CYP19A1: variants seen among roughly 807,000 people sequenced by gnomAD.
CYP19A1 encodes cytochrome P450 family 19 subfamily A member 1, also known as aromatase.
Under a neutral mutation model 44.4 loss-of-function variants are expected in CYP19A1, and 32 were observed. That is an observed-to-expected ratio of 0.72 (90% CI 0.54 to 0.97). CYP19A1 has a LOEUF of 0.97. Among genes scored for constraint, CYP19A1 ranks in the 50% least tolerant of loss-of-function variants. The pLI is 0.00. For synonymous variants in CYP19A1, 212 were observed against 215.6 expected (o/e 0.98, Z 0.14); for missense variants, 598 against 637.8 (o/e 0.94, Z 0.67).
intron 1 of CYP19A1, among the ~76,000 whole-genome samples, chr15:51,280,465 T>A (rs1325344461): frequency 6.6e-6 from 1 of 152,184 alleles, no homozygotes; most frequent in African/African-American, 2.4e-5. Context: ...GGTTTGGCTC[T>A]TTCTGCCTTG....
chr15:51,331,988 T>C (rs11070842), intron 1 of CYP19A1, among the ~76,000 whole-genome samples: 28,996 of 151,882 alleles, frequency 0.19, 2,949 homozygotes, highest in East Asian at 0.28. Context: ...CATATAACTG[T>C]CTGCTTTTTA....
At position 51,313,639 on chromosome 15, in the gene CYP19A1, A is replaced by C. The variant is rs28757097; in HGVS notation, c.-39+24856T>G. Among the ~76,000 whole-genome samples, 186 of 152,234 alleles carry C rather than the reference A, an allele frequency of 1.2e-3. 1 individual carries two copies. The highest frequency in any genetic ancestry group is 0.01 in the Admixed American group (159 of 15,296). On this transcript the variant is annotated intron_variant, in intron 1 of 9. Transcript: ENST00000396402. ...TGGTGAAATCCCATCTCTACTAAAA[A>C]TACAAAAATTAGCTGGGCATGGTGG...
chr15:51,327,827 AC>A (rs1268902782), intron 1 of CYP19A1, among the ~76,000 whole-genome samples: 1 of 152,164 alleles, frequency 6.6e-6, no homozygotes, highest in Non-Finnish European at 1.5e-5. Context: ...CTCAAATGAA[AC>A]CCATAGATAA....
intron 1 of CYP19A1, chr15:51,277,255 T>C (rs1017510375): frequency 2.6e-5 from 4 of 152,190 alleles, no homozygotes; most frequent in African/African-American, 9.7e-5. Context: ...TATCTCCTTT[T>C]TTATGCCCTT....
At chr15:51,243,288 C>T (rs117199134) in intron 1 of CYP19A1, among the ~76,000 whole-genome samples, 15 of 152,232 alleles carry the variant, frequency 9.9e-5, no homozygotes, top group African/African-American at 3.1e-4. Context: ...GAAAATAAAG[C>T]TCATTCCAGA....
chr15:51,212,411 C>T lies in CYP19A1; in HGVS notation c.1172G>A (p.Gly391Glu), dbSNP rs1317925758. The T allele has an allele frequency of 3.7e-6, 6 of 1,600,994 alleles. No homozygotes were observed. The highest frequency in any genetic ancestry group is 5.1e-6 in the Non-Finnish European group (6 of 1,168,160). Residue 391 changes from glycine to glutamate, a missense_variant, in exon 9 of 10, where the codon GGG (glycine) becomes GAG (glutamate). Coordinates refer to ENST00000396402, the MANE Select transcript of CYP19A1 (RefSeq NM_000103.4). ...DVIDGYPVKK[G>E]TNIILNIGRM... ...TCCAATATTCAGGATAATGTTTGTC[C>T]CCTTTTTCACTGGGTAGCCATCGAT...
chr15:51,234,755 A>C (rs1161918454), intron 3 of CYP19A1, among the ~76,000 whole-genome samples: 1 of 152,126 alleles, frequency 6.6e-6, no homozygotes, highest in Admixed American at 6.5e-5. Flanking sequence ...TCAAACTCCC[A>C]GGGGAGTATT....
At chr15:51,297,324 C>T (rs2036015192) in intron 1 of CYP19A1, among the ~76,000 whole-genome samples, 1 of 152,208 alleles carries the variant, frequency 6.6e-6, no homozygotes. Flanking sequence ...TTACACCAGC[C>T]TCCTCTTTAA....
At chr15:51,279,963 G>C (rs1407865390) in intron 1 of CYP19A1, 2 of 152,114 alleles carry the variant, frequency 1.3e-5, no homozygotes, top group South Asian at 2.1e-4. Context: ...TGTTAACTTC[G>C]AAGTCAAAGG....
At chr15:51,223,593 T>TCTCTCTCTCACACACA (rs1356666512) in intron 4 of CYP19A1, among the ~76,000 whole-genome samples, 209 of 90,196 alleles carry the variant, frequency 2.3e-3, no homozygotes, top group African/African-American at 7.3e-3. Context: ...TCTCTCTCTC[T>TCTCTCTCTCACACACA]CACACACACA....
chr15:51,252,467 C>T (rs575780915), intron 1 of CYP19A1, among the ~76,000 whole-genome samples: 13 of 152,334 alleles, frequency 8.5e-5, no homozygotes, highest in Admixed American at 7.8e-4. Context: ...AATACAATTT[C>T]TCTTGAAGAT....
chr15:51,330,405 A>G (rs2036681503), intron 1 of CYP19A1, among the ~76,000 whole-genome samples: 1 of 152,222 alleles, frequency 6.6e-6, no homozygotes, highest in Non-Finnish European at 1.5e-5. Flanking sequence ...TTATACACAT[A>G]CACCTGTAAA....
At position 51,210,814 on chromosome 15, in the gene CYP19A1, T is replaced by C. The variant is rs765863891; in HGVS notation, c.1506A>G (p.Glu502=). The C allele has an allele frequency of 6.3e-7, 1 of 1,586,040 alleles. No individual in the cohort carries two copies. Among genetic ancestry groups the C allele is most frequent in the Non-Finnish European group, 8.7e-7 (1 of 1,154,222 alleles). The change falls in exon 10 of 10, where the codon GAA becomes GAG. Residue 502 remains glutamate, a synonymous_variant. Transcript: ENST00000396402. ...GGGTACTGACCAGCCTTCTCTAGTG[T>C]TCCAGACACCTGTCTGAGTTTCTTG... ...FTPRNSDRCL[E]H
chr15:51,256,185 T>C (rs548758199), intron 1 of CYP19A1, among the ~76,000 whole-genome samples: 14 of 152,336 alleles, frequency 9.2e-5, no homozygotes, highest in Middle Eastern at 3.4e-3. Context: ...GAGAGCCTGC[T>C]CTTCAACACC....
At chr15:51,217,568 G>A (rs886576159) in intron 6 of CYP19A1, among the ~76,000 whole-genome samples, 5 of 152,074 alleles carry the variant, frequency 3.3e-5, no homozygotes, top group African/African-American at 9.7e-5. Context: ...TAATATTATC[G>A]AATTTCAAAA....
rs28757182 is a variant in CYP19A1 at position 51,228,654 on chromosome 15, G to A, written c.297-721C>T. Among the ~76,000 whole-genome samples the A allele has an allele frequency of 5.9e-3, 892 of 152,282 alleles. 8 individuals are homozygous for A. The highest frequency in any genetic ancestry group is 0.02 in the African/African-American group (848 of 41,550). ...CTCCAGGGTCACAGAGTTCTCCCAC[G>A]ACACAGGATGTGATGAGTCATGAGA... On this transcript the variant is annotated intron_variant, in intron 3 of 9. Transcript: ENST00000396402.
chr15:51,275,052 G>A (rs1039039027), intron 1 of CYP19A1, among the ~76,000 whole-genome samples: 3 of 152,208 alleles, frequency 2.0e-5, no homozygotes, highest in African/African-American at 7.2e-5. Flanking sequence ...CTCCGCTTGT[G>A]GTTTGGCTTC....
At chr15:51,262,551 G>A (rs1808096753) in intron 1 of CYP19A1, among the ~76,000 whole-genome samples, 3 of 152,050 alleles carry the variant, frequency 2.0e-5, no homozygotes, top group African/African-American at 2.4e-5. Flanking sequence ...CTTCCTTACT[G>A]CTGACAGTTA....
At chr15:51,262,655 A>G (rs1189402483) in intron 1 of CYP19A1, among the ~76,000 whole-genome samples, 1 of 152,150 alleles carries the variant, frequency 6.6e-6, no homozygotes, top group Non-Finnish European at 1.5e-5. Context: ...TTGATATACG[A>G]TTTCCCCATT....
Sources: allele counts gnomAD v4.1 joint callset (sites outside exome capture counted in the v4.1 genomes callset), GRCh38; gene constraint gnomAD v4.1.1; transcripts MANE v1.5; gene names NCBI Gene and HGNC (gene_info 2026-07-23, HGNC 2026-07-21).